FAM184B: variants seen among roughly 807,000 people sequenced by gnomAD.
FAM184B encodes family with sequence similarity 184 member B, also known as protein FAM184B.
A neutral mutation model predicts 135.9 loss-of-function variants in FAM184B; 111 were observed. The observed-to-expected ratio is 0.82, with a 90% CI of 0.70 to 0.96. FAM184B has a LOEUF of 0.96. FAM184B is among the 40% of genes least tolerant of loss of function. FAM184B has a pLI of 0.00. For missense variants in FAM184B, 1,375 were observed against 1,323.9 expected (o/e 1.04, Z -0.60); for synonymous variants, 552 against 524.8 (o/e 1.05, Z -0.71).
At chr4:17,764,688 A>G (rs1718620058) in intron 1 of FAM184B, among the ~76,000 whole-genome samples, 1 of 151,876 alleles carries the variant, frequency 6.6e-6, no homozygotes. Flanking sequence ...GGGAGTTCAA[A>G]GATGAGAAAA....
intron 1 of FAM184B, among the ~76,000 whole-genome samples, chr4:17,720,604 A>G (rs1717498627): frequency 6.6e-6 from 1 of 152,094 alleles, no homozygotes; most frequent in Non-Finnish European, 1.5e-5. Flanking sequence ...AATTAAACAT[A>G]GGGCGAGGCG....
intron 12 of FAM184B, among the ~76,000 whole-genome samples, chr4:17,643,455 C>T (rs766324459): frequency 6.6e-6 from 1 of 152,048 alleles, no homozygotes; most frequent in African/African-American, 2.4e-5. Flanking sequence ...GGCCACGTAT[C>T]GGCTCATGTA....
chr4:17,632,671 A>T, intron 17 of FAM184B, 46 bp from the exon 18 acceptor site: 1 of 1,317,722 alleles, frequency 7.6e-7, no homozygotes, highest in Non-Finnish European at 1.1e-6. Flanking sequence ...AAAACTATGC[A>T]AGAAGCAGCT....
chr4:17,654,505 T>G (rs1393346510), intron 10 of FAM184B, among the ~76,000 whole-genome samples: 2 of 152,178 alleles, frequency 1.3e-5, no homozygotes, highest in Non-Finnish European at 2.9e-5. Flanking sequence ...TGCCATATTT[T>G]TCAACAGAGC....
In FAM184B at chr4:17,633,861, G is replaced by A. The variant is rs188210452; in HGVS notation, c.2917C>T (p.Arg973Cys). ...KKKKVEDVPS[R>C]VVSVPNLASY... The stretch of plus-strand genomic sequence containing the variant: ...GCGAGGTTCGGCACGCTGACCACGC[G>A]GCTGGGCACGTCCTCCACCTTCTTT... Residue 973 changes from arginine to cysteine, a missense_variant, in exon 17 of 18, where the codon CGC (arginine) becomes TGC (cysteine). By Grantham distance (180) the Arg-to-Cys change is radical (BLOSUM62 -3). Transcript: ENST00000265018. 3.1e-5 allele frequency: 48 copies of A among 1,550,622 alleles called. No homozygotes were observed. The highest frequency in any genetic ancestry group is 2.7e-4 in the East Asian group (11 of 40,884).
chr4:17,727,765 T>C (rs1428976854), intron 1 of FAM184B, among the ~76,000 whole-genome samples: 2 of 152,082 alleles, frequency 1.3e-5, no homozygotes, highest in East Asian at 3.9e-4. Context: ...CCTTGACATA[T>C]GGGGATTACA....
intron 14 of FAM184B, among the ~76,000 whole-genome samples, chr4:17,637,532 CCTT>C (rs1198943014): frequency 6.6e-6 from 1 of 152,148 alleles, no homozygotes; most frequent in African/African-American, 2.4e-5. Context: ...AGTTCCCTCT[CCTT>C]TAAAATGGGC....
At chr4:17,730,750 G>A (rs1218388982) in intron 1 of FAM184B, among the ~76,000 whole-genome samples, 1 of 152,200 alleles carries the variant, frequency 6.6e-6, no homozygotes, top group African/African-American at 2.4e-5. Flanking sequence ...TGACTTTGAC[G>A]AGCTGAGAGA....
intron 10 of FAM184B, among the ~76,000 whole-genome samples, chr4:17,653,987 C>A (rs1307120677): frequency 1.7e-5 from 1 of 57,362 alleles, no homozygotes; most frequent in Non-Finnish European, 3.5e-5. Context: ...GACCAGAAGC[C>A]ACGGAACTCA....
At chr4:17,662,713 A>G (rs182092525) in intron 8 of FAM184B, among the ~76,000 whole-genome samples, 1 of 152,240 alleles carries the variant, frequency 6.6e-6, no homozygotes, top group African/African-American at 2.4e-5. Context: ...TTCAAGAAAC[A>G]ATCAAATAGT....
intron 1 of FAM184B, among the ~76,000 whole-genome samples, chr4:17,744,654 A>T (rs564597321): frequency 7.9e-5 from 12 of 151,968 alleles, no homozygotes; most frequent in African/African-American, 2.9e-4. Flanking sequence ...CGGGAGGCAG[A>T]AGTTGCAGTG....
At position 17,636,533 on chromosome 4, in the gene FAM184B, G is replaced by A; in HGVS notation, c.2779C>T (p.Leu927Phe). 6.4e-7 allele frequency: 1 copy of A among 1,550,470 alleles called. No homozygotes were observed. Among genetic ancestry groups the A allele is most frequent in the Non-Finnish European group, 8.7e-7 (1 of 1,146,804 alleles). ...LKEREDIIKQ[L>F]TEERRFHYAA... ...GCGCCCCCTGACAGCCTCACCGTGA[G>A]CTGCTTGATGATGTCCTCTCTCTCC... is the stretch of plus-strand genomic sequence containing the variant. Residue 927 changes from leucine (L) to phenylalanine (F), a missense_variant, in exon 15 of 18, where the codon CTC becomes TTC. Coordinates refer to ENST00000265018, the MANE Select transcript of FAM184B (RefSeq NM_015688.2).
At chr4:17,776,217 A>G (rs1718923903) in intron 1 of FAM184B, among the ~76,000 whole-genome samples, 1 of 152,232 alleles carries the variant, frequency 6.6e-6, no homozygotes, top group African/African-American at 2.4e-5. Flanking sequence ...CCACAAGTCA[A>G]CTATAATATC....
intron 1 of FAM184B, among the ~76,000 whole-genome samples, chr4:17,719,002 G>A (rs1403663072): frequency 6.6e-6 from 1 of 152,216 alleles, no homozygotes; most frequent in Non-Finnish European, 1.5e-5. Context: ...ATGCCCACTG[G>A]ATGTCTGAAA....
rs937985064 is a variant in FAM184B, at chr4:17,692,942, T to A, written c.1488+360A>T. 3.9e-5 allele frequency among the ~76,000 whole-genome samples: 6 copies of A among 152,102 alleles called. No individual in the cohort carries two copies. The East Asian group carries it at 9.7e-4, about 25-fold the overall frequency. ...TAAAATATAAATTTTTAATATTTTT[T>A]AATAAAGGAAGGGCCTAGAAAGGCA... On this transcript the variant is annotated intron_variant, in intron 6 of 17. Transcript: ENST00000265018.
chr4:17,712,567 C>T (rs1717304635), intron 1 of FAM184B, among the ~76,000 whole-genome samples: 1 of 152,142 alleles, frequency 6.6e-6, no homozygotes, highest in Non-Finnish European at 1.5e-5. Flanking sequence ...ACTTCATTGC[C>T]AAGTTCCTAT....
intron 10 of FAM184B, among the ~76,000 whole-genome samples, chr4:17,654,861 TTC>T (rs1715745454): frequency 6.6e-6 from 1 of 152,204 alleles, no homozygotes; most frequent in African/African-American, 2.4e-5. Context: ...CTTTTTCTTT[TTC>T]TTTTTTTGAG....
intron 6 of FAM184B, among the ~76,000 whole-genome samples, chr4:17,693,003 C>T (rs979557869): frequency 1.6e-5 from 2 of 123,102 alleles, no homozygotes; most frequent in African/African-American, 2.8e-5. Context: ...CGAATGTAAC[C>T]CTGGGGAAGG....
At chr4:17,653,090 T>C (rs1715672502) in intron 10 of FAM184B, 107 bp from the exon 11 acceptor site, 1 of 1,091,400 alleles carries the variant, frequency 9.2e-7, no homozygotes, top group Non-Finnish European at 1.4e-6. Context: ...ACACTCGCAC[T>C]CTCCCATGGA....
Sources: allele counts gnomAD v4.1 joint callset (sites outside exome capture counted in the v4.1 genomes callset), GRCh38; gene constraint gnomAD v4.1.1; transcripts MANE v1.5; gene names NCBI Gene and HGNC (gene_info 2026-07-23, HGNC 2026-07-21).